The following BRWD3 variants were observed in gnomAD, a reference collection of about 807,000 sequenced individuals.
The protein encoded by BRWD3 is bromodomain and WD repeat domain containing 3.
Under a neutral mutation model 149.7 loss-of-function variants are expected in BRWD3, and 10 were observed. The ratio of observed to expected loss-of-function variants is 0.07; its 90% CI spans 0.04 to 0.11. The LOEUF is 0.11. BRWD3 is among the 10% of genes least tolerant of loss of function. The pLI is 1.00. For missense variants in BRWD3, 940 were observed against 1,373.2 expected (o/e 0.68, Z 4.99); for synonymous variants, 504 against 456.7 (o/e 1.10, Z -1.32).
Position 80,685,479 on chromosome X carries a change from CTTG to C in BRWD3, c.4060_4062del (p.Gln1354del), listed in dbSNP as rs2072508456. 2 of 1,208,072 alleles carry C rather than the reference CTTG, an allele frequency of 1.7e-6. No homozygotes were observed. The highest frequency in any genetic ancestry group is 2.2e-6 in the Non-Finnish European group (2 of 892,694). ...AGGCCTACCTCAGAAAGAGATGAAT[CTTG>C]TTGTCTTTCTGGAACAACAGACTCT... On this transcript the variant is annotated inframe_deletion, in exon 36 of 41. Coordinates refer to ENST00000373275, the MANE Select transcript of BRWD3 (RefSeq NM_153252.5).
chrX:80,784,376 A>C (rs1218521980), intron 6 of BRWD3, among the ~76,000 whole-genome samples: 1 of 112,088 alleles, frequency 8.9e-6, no homozygotes, highest in Non-Finnish European at 1.9e-5. Context: ...CTTCAAATAA[A>C]CATTAAACAC....
In BRWD3 at chrX:80,809,480, C is replaced by A; in HGVS notation, c.-9G>T. The stretch of plus-strand genomic sequence containing the variant: ...GTAGGTGCTGCCGCCATCCTTTTCC[C>A]GAGGGGGTTTGGGGGCTTCGCTCCG... On this transcript the variant is annotated 5_prime_UTR_variant, in exon 1 of 41. Coordinates refer to ENST00000373275, the MANE Select transcript of BRWD3 (RefSeq NM_153252.5). 3 of 1,108,249 alleles carry A rather than the reference C, an allele frequency of 2.7e-6. No individual in the cohort carries two copies. Among genetic ancestry groups the A allele is most frequent in the South Asian group, 2.0e-5 (1 of 51,080 alleles). 91.3% of individuals were successfully genotyped at this position (1,108,249 alleles called of 1,213,427 possible).
At chrX:80,747,972 C>T (rs1484467645) in intron 6 of BRWD3, among the ~76,000 whole-genome samples, 3 of 111,180 alleles carry the variant, frequency 2.7e-5, no homozygotes, top group Non-Finnish European at 5.7e-5. Context: ...TGCACTGGCT[C>T]AGACTTCCTG....
chrX:80,689,090 G>C (rs1160709742), intron 33 of BRWD3, among the ~76,000 whole-genome samples: 3 of 111,235 alleles, frequency 2.7e-5, no homozygotes, highest in Non-Finnish European at 3.8e-5. Context: ...ACACAATCTA[G>C]CATATGTGAG....
rs201065966 is a variant in BRWD3 at position 80,793,160 on chromosome X, CAAA to C, written c.331+459_331+461del. On this transcript the variant is annotated intron_variant, in intron 5 of 40. Coordinates refer to ENST00000373275, the MANE Select transcript of BRWD3 (RefSeq NM_153252.5). ...CTGGTGACAGAGCAAGACTCTGTCTCAAAAAAAAAAAAAAAAAAAAAAAAAAAT... is the reference window on the plus strand; with the variant it reads ...CTGGTGACAGAGCAAGACTCTGTCTCAAAAAAAAAAAAAAAAAAAAAAAAT... Among the ~76,000 whole-genome samples the C allele has an allele frequency of 3.4e-4, 15 of 44,464 alleles. No homozygotes were observed. In the South Asian group the frequency reaches 0.07, roughly 207 times the overall value. The allele number at this position is 44,464 out of a possible 115,157, so 38.6% of individuals were successfully genotyped here.
intron 6 of BRWD3, among the ~76,000 whole-genome samples, chrX:80,763,367 C>A (rs1485619160): frequency 1.8e-5 from 2 of 111,374 alleles, no homozygotes; most frequent in East Asian, 2.8e-4. Context: ...TCATCATATA[C>A]CCCAATAGCT....
rs143041103 is a variant in BRWD3, at chrX:80,693,381, C to G, written c.3152-330G>C. 0.05 allele frequency among the ~76,000 whole-genome samples: 5,576 copies of G among 111,856 alleles called. 124 individuals are homozygous for G. The highest frequency in any genetic ancestry group is 0.07 in the Non-Finnish European group (3,716 of 53,092). On this transcript the variant is annotated intron_variant, in intron 27 of 40. Transcript: ENST00000373275. Reference sequence around the variant, plus strand: ...CATATGTACATAAATGCAGTTGATTCTTCTATCTTGCTTTTAGCTTTCTTT... The same window carrying G: ...CATATGTACATAAATGCAGTTGATTGTTCTATCTTGCTTTTAGCTTTCTTT...
At chrX:80,732,892 C>A (rs1157894629) in intron 12 of BRWD3, among the ~76,000 whole-genome samples, 7 of 111,828 alleles carry the variant, frequency 6.3e-5, no homozygotes, top group Non-Finnish European at 1.3e-4. Context: ...GTAATCCCAG[C>A]ACTTTGGGAG....
chrX:80,679,478 T>C (rs1030046709), intron 40 of BRWD3, among the ~76,000 whole-genome samples: 1 of 111,948 alleles, frequency 8.9e-6, no homozygotes, highest in Admixed American at 9.5e-5. Flanking sequence ...ATTATTCTAA[T>C]AGAATAAAGA....
chrX:80,749,253 G>A (rs757738401), intron 6 of BRWD3, among the ~76,000 whole-genome samples: 10 of 111,371 alleles, frequency 9.0e-5, no homozygotes, highest in Non-Finnish European at 1.3e-4. Context: ...TAATCTGTCC[G>A]ATGTTGAAAG....
intron 10 of BRWD3, among the ~76,000 whole-genome samples, chrX:80,734,831 T>C (rs1263108889): frequency 1.8e-5 from 2 of 111,197 alleles, no homozygotes; most frequent in African/African-American, 6.5e-5. Context: ...AGAATTTTTG[T>C]GTTGATTGCG....
chrX:80,752,024 ATTATTT>A (rs2073676079), intron 6 of BRWD3, among the ~76,000 whole-genome samples: 2 of 62,752 alleles, frequency 3.2e-5, no homozygotes, highest in African/African-American at 8.4e-5. Flanking sequence ...TATTATTATT[ATTATTT>A]TAAACACGAT....
At chrX:80,692,720 T>C (rs1223998818) in intron 28 of BRWD3, among the ~76,000 whole-genome samples, 1 of 112,174 alleles carries the variant, frequency 8.9e-6, no homozygotes, top group East Asian at 2.8e-4. Flanking sequence ...ATAAAGTGTT[T>C]AGTTATTCCT....
intron 6 of BRWD3, among the ~76,000 whole-genome samples, chrX:80,760,504 G>A (rs910863087): frequency 3.6e-5 from 4 of 111,658 alleles, no homozygotes; most frequent in Non-Finnish European, 7.5e-5. Flanking sequence ...AACACTGAAT[G>A]GACTTTGAAA....
At chrX:80,788,348 C>G (rs1156279280) in intron 6 of BRWD3, among the ~76,000 whole-genome samples, 3 of 109,372 alleles carry the variant, frequency 2.7e-5, no homozygotes, top group Non-Finnish European at 5.7e-5. Context: ...GGATTTGTAC[C>G]CAAAATATAT....
intron 8 of BRWD3, among the ~76,000 whole-genome samples, chrX:80,737,999 C>T (rs2073427790): frequency 8.9e-6 from 1 of 112,533 alleles, no homozygotes; most frequent in Non-Finnish European, 1.9e-5. Flanking sequence ...CAGAGCTGAG[C>T]AGTTGTGACA....
At chrX:80,758,556 G>T (rs973877423) in intron 6 of BRWD3, among the ~76,000 whole-genome samples, 1 of 111,272 alleles carries the variant, frequency 9.0e-6, no homozygotes, top group Non-Finnish European at 1.9e-5. Context: ...CATATGTACA[G>T]CTGCTCTAAT....
At chrX:80,762,987 A>C (rs1437087087) in intron 6 of BRWD3, among the ~76,000 whole-genome samples, 2 of 110,874 alleles carry the variant, frequency 1.8e-5, no homozygotes, top group African/African-American at 6.6e-5. Flanking sequence ...AGGAATAGTG[A>C]TCGCTACTAT....
At chrX:80,729,622 T>C (rs1478759872) in intron 13 of BRWD3, among the ~76,000 whole-genome samples, 1 of 111,446 alleles carries the variant, frequency 9.0e-6, no homozygotes, top group African/African-American at 3.3e-5. Flanking sequence ...TAGATATATT[T>C]TTTAATGACC....
Sources: gnomAD v4.1 joint callset for allele counts (sites outside exome capture counted in the v4.1 genomes callset) on GRCh38, gnomAD v4.1.1 for gene constraint, MANE v1.5 for transcripts, NCBI Gene and HGNC (gene_info 2026-07-23, HGNC 2026-07-21) for gene names.